The following NFIB variants were observed in gnomAD, a reference collection of about 807,000 sequenced individuals.
NFIB encodes nuclear factor I B.
Under a neutral mutation model 61.5 loss-of-function variants are expected in NFIB, and 11 were observed. That is an observed-to-expected ratio of 0.18 (90% confidence interval 0.11 to 0.30). The LOEUF (loss-of-function observed/expected upper bound fraction) is 0.30, where lower values mean the gene tolerates loss of function less well. Ranked by LOEUF, NFIB falls within the 10% of genes least tolerant of loss-of-function variation. The pLI, the probability that NFIB is intolerant of heterozygous loss-of-function variation, is 1.00. For synonymous variants in NFIB, 260 were observed against 216.5 expected, an observed-to-expected ratio of 1.20 and a Z score of -1.76; for missense variants, 471 against 608.9, an observed-to-expected ratio of 0.77 and a Z score of 2.38.
At chr9:14,106,407 T>A (rs893618892) in intron 10 of NFIB, among the ~76,000 whole-genome samples, 2 of 152,076 alleles carry the variant, frequency 1.3e-5, no homozygotes, top group African/African-American at 4.8e-5. Flanking sequence ...GAAAGTAAGA[T>A]TATCTTCCAA....
chr9:14,324,682 T>C (rs1242415728), intron 1 of NFIB, among the ~76,000 whole-genome samples: 1 of 152,160 alleles, frequency 6.6e-6, no homozygotes, highest in Non-Finnish European at 1.5e-5. Flanking sequence ...TGTCAAAGAA[T>C]TTCTATCTAA....
chr9:14,433,052 T>C, the NFIB span, among the ~76,000 whole-genome samples: 1 of 152,170 alleles, frequency 6.6e-6, no homozygotes, highest in Non-Finnish European at 1.5e-5. Context: ...GTTAGGGGCA[T>C]TAAAAAACAC....
intron 2 of NFIB, among the ~76,000 whole-genome samples, chr9:14,214,513 A>T (rs938845196): frequency 6.6e-6 from 1 of 152,212 alleles, no homozygotes; most frequent in Non-Finnish European, 1.5e-5. Flanking sequence ...TCTCAGCAGC[A>T]CAGCTCCCAG....
chr9:14,350,972 C>G (rs1452886512), intron 1 of NFIB, among the ~76,000 whole-genome samples: 2 of 152,200 alleles, frequency 1.3e-5, no homozygotes, highest in African/African-American at 4.8e-5. Context: ...CTACCTGCCT[C>G]CTATCCCCCA....
At chr9:14,316,727 T>TA (rs2060551193), upstream of NFIB, among the ~76,000 whole-genome samples, 1 of 152,002 alleles carries the variant, frequency 6.6e-6, no homozygotes, top group African/African-American at 2.4e-5. Flanking sequence ...CATCACTTTG[T>TA]ATTGCACATT....
chr9:14,436,990 G>A, the NFIB span, among the ~76,000 whole-genome samples: 21 of 152,156 alleles, frequency 1.4e-4, no homozygotes, highest in Non-Finnish European at 2.9e-4. Flanking sequence ...AAGGCATTAC[G>A]AGAGAGAGGG....
chr9:14,394,856 T>C (rs2133041005), intron 1 of NFIB, among the ~76,000 whole-genome samples: 1 of 152,320 alleles, frequency 6.6e-6, no homozygotes, highest in South Asian at 2.1e-4. Context: ...GCAGTCCTTG[T>C]TTAAAAGTTC....
chr9:14,189,360 G>C (rs184699683), intron 2 of NFIB, among the ~76,000 whole-genome samples: 1 of 152,180 alleles, frequency 6.6e-6, no homozygotes, highest in Non-Finnish European at 1.5e-5. Flanking sequence ...CCAAGCACTA[G>C]CACGCTGACT....
chr9:14,171,313 C>G (rs559791388), intron 3 of NFIB, among the ~76,000 whole-genome samples: 67 of 152,294 alleles, frequency 4.4e-4, no homozygotes, highest in African/African-American at 1.5e-3. Context: ...TATATCCACC[C>G]TACAACCTCT....
Position 14,264,037 on chromosome 9 carries a change from G to C in NFIB, c.562+42952C>G, listed in dbSNP as rs193260273. ...TGTCAAATATAATAAAAGGATTAGAGTTTTGTTTTGATTTATTTTAATGTA... is the reference window on the plus strand; with the variant it reads ...TGTCAAATATAATAAAAGGATTAGACTTTTGTTTTGATTTATTTTAATGTA... On this transcript the variant is annotated intron_variant, in intron 2 of 10. Transcript: ENST00000380953. 5.1e-3 allele frequency among the ~76,000 whole-genome samples: 769 copies of C among 152,264 alleles called. 28 individuals carry two copies. The highest frequency in any genetic ancestry group is 0.046 in the Admixed American group (710 of 15,286).
chr9:14,222,340 C>T (rs2051775514), intron 2 of NFIB, among the ~76,000 whole-genome samples: 1 of 152,156 alleles, frequency 6.6e-6, no homozygotes, highest in African/African-American at 2.4e-5. Context: ...TGAGGAAATC[C>T]ATTGCATCAG....
the NFIB span, among the ~76,000 whole-genome samples, chr9:14,522,267 A>G: frequency 6.6e-6 from 1 of 152,186 alleles, no homozygotes; most frequent in Non-Finnish European, 1.5e-5. Flanking sequence ...AAAAACTAAC[A>G]TGTGTCATCA....
chr9:14,223,359 G>C (rs895369257), intron 2 of NFIB, among the ~76,000 whole-genome samples: 1 of 152,118 alleles, frequency 6.6e-6, no homozygotes, highest in African/African-American at 2.4e-5. Flanking sequence ...CTCCAGTTCA[G>C]ACTCATGATA....
At chr9:14,250,266 T>A (rs981604927) in intron 2 of NFIB, among the ~76,000 whole-genome samples, 2 of 107,360 alleles carry the variant, frequency 1.9e-5, no homozygotes, top group Admixed American at 8.0e-5. Flanking sequence ...GCATATAATA[T>A]CTTTTTTTGT....
At chr9:14,150,796 T>C (rs1231090071) in intron 4 of NFIB, among the ~76,000 whole-genome samples, 1 of 152,146 alleles carries the variant, frequency 6.6e-6, no homozygotes, top group Non-Finnish European at 1.5e-5. Flanking sequence ...AATATTAATG[T>C]TGATATTAAT....
intron 2 of NFIB, among the ~76,000 whole-genome samples, chr9:14,281,031 G>GATATT (rs1054328534): frequency 6.6e-6 from 1 of 152,110 alleles, no homozygotes; most frequent in Admixed American, 6.6e-5. Context: ...GCCAAAATGG[G>GATATT]ATATTATATT....
intron 10 of NFIB, among the ~76,000 whole-genome samples, chr9:14,107,843 A>C (rs1171533899): frequency 6.6e-6 from 1 of 152,156 alleles, no homozygotes; most frequent in Non-Finnish European, 1.5e-5. Context: ...ACTGAGATCT[A>C]AGTTAATATT....
intron 2 of NFIB, among the ~76,000 whole-genome samples, chr9:14,200,084 C>T (rs375082705): frequency 3.2e-4 from 48 of 152,202 alleles, no homozygotes; most frequent in African/African-American, 1.1e-3. Context: ...GTCTGAAGGC[C>T]TGGTAAGAGC....
chr9:14,264,767 C>T (rs1422041685), intron 2 of NFIB, among the ~76,000 whole-genome samples: 1 of 152,084 alleles, frequency 6.6e-6, no homozygotes, highest in Non-Finnish European at 1.5e-5. Context: ...AAGTTCCAAT[C>T]AGAGAACGTT....
Sources: allele counts gnomAD v4.1 joint callset (sites outside exome capture counted in the v4.1 genomes callset), GRCh38; gene constraint gnomAD v4.1.1; transcripts MANE v1.5; gene names NCBI Gene and HGNC (gene_info 2026-07-23, HGNC 2026-07-21).